The following SERPINB9 variants were observed in gnomAD, a reference collection of about 807,000 sequenced individuals.
SERPINB9 encodes the protein serpin B9.
Under a neutral mutation model 27.2 loss-of-function variants are expected in SERPINB9, and 20 were observed. The ratio of observed to expected loss-of-function variants is 0.74; its 90% CI spans 0.52 to 1.07. The LOEUF is 1.07. SERPINB9 is among the 50% of genes least tolerant of loss of function. SERPINB9 has a pLI of 0.00. For missense variants in SERPINB9, 476 were observed against 460.1 expected, an observed-to-expected ratio of 1.03 and a Z score of -0.32; for synonymous variants, 189 against 180.0, an observed-to-expected ratio of 1.05 and a Z score of -0.40.
At chr6:2,895,317 C>T (rs552455589) in intron 4 of SERPINB9, 74 bp downstream of exon 4, 43 of 919,694 alleles carry the variant, frequency 4.7e-5, no homozygotes, top group Non-Finnish European at 6.3e-5. Flanking sequence ...ATATAAGAGG[C>T]GGGAAGGAGG....
At chr6:2,897,795 A>C (rs1277255036) in intron 2 of SERPINB9, among the ~76,000 whole-genome samples, 2 of 152,232 alleles carry the variant, frequency 1.3e-5, no homozygotes, top group Non-Finnish European at 2.9e-5. Context: ...CCCCAAAGTA[A>C]AGTTATATGT....
At position 2,889,339 on chromosome 6, in the gene SERPINB9, C is replaced by T. The variant is rs1395153150; in HGVS notation, c.*824G>A. On this transcript the variant is annotated 3_prime_UTR_variant, in exon 7 of 7. Coordinates refer to ENST00000380698, the MANE Select transcript of SERPINB9 (RefSeq NM_004155.6). ...GGATGGCTCTGTCCCCTTTGTGTCC[C>T]CAGTGCCTAAAGCAGTGTTTGGTGC... 2 of 152,200 alleles carry T rather than the reference C, an allele frequency of 1.3e-5. No homozygotes were observed. The highest frequency in any genetic ancestry group is 2.1e-4 in the South Asian group (1 of 4,830). The allele number at this position is 152,200 out of a possible 1,614,324, so 9.4% of individuals were successfully genotyped here.
At chr6:2,893,711 T>C (rs951642082) in intron 4 of SERPINB9, among the ~76,000 whole-genome samples, 158 bp from the exon 5 acceptor site, 1 of 151,978 alleles carries the variant, frequency 6.6e-6, no homozygotes, top group African/African-American at 2.4e-5. Flanking sequence ...ATGAGTGGTA[T>C]TCATGATTAC....
intron 2 of SERPINB9, 148 bp downstream of exon 2, chr6:2,900,296 G>GT (rs760698792): frequency 1.1e-4 from 103 of 901,806 alleles, no homozygotes; most frequent in Non-Finnish European, 1.7e-4. Flanking sequence ...TTCTTCCCCA[G>GT]TGGACCCCGC....
Position 2,891,700 on chromosome 6 carries a change from C to G in SERPINB9, c.723+133G>C, listed in dbSNP as rs940385328. On this transcript the variant is annotated intron_variant, in intron 6 of 6. Transcript: ENST00000380698. The surrounding 1 kb of genome is among the most constrained non-coding windows in gnomAD (Gnocchi z 4.0). Reference sequence around the variant, plus strand: ...AGTCAGCCTTGAACAAAAGTTCGATCCCAACGCCAAGTGCCTGCACAGTGT... The same window carrying G: ...AGTCAGCCTTGAACAAAAGTTCGATGCCAACGCCAAGTGCCTGCACAGTGT... 1.8e-5 allele frequency: 18 copies of G among 1,026,520 alleles called. No homozygotes were observed. Among genetic ancestry groups the G allele is most frequent in the Middle Eastern group, 3.3e-4 (1 of 3,050 alleles). The allele number at this position is 1,026,520 out of a possible 1,614,324, so 63.6% of individuals were successfully genotyped here. A position where few individuals can be genotyped will look rare whatever the true frequency, so the allele number is the denominator to read the frequency against.
chr6:2,892,323 TTTTGA>T (rs1356613072), intron 5 of SERPINB9, among the ~76,000 whole-genome samples: 1 of 152,080 alleles, frequency 6.6e-6, no homozygotes, highest in Non-Finnish European at 1.5e-5. Flanking sequence ...TACAAATTTG[TTTTGA>T]TTTAATTAGA....
At chr6:2,901,723 C>T (rs1444508364) in intron 1 of SERPINB9, among the ~76,000 whole-genome samples, 7 of 152,014 alleles carry the variant, frequency 4.6e-5, no homozygotes, top group Non-Finnish European at 8.8e-5. Context: ...ATCTCCCCCT[C>T]CTCCCCCACA....
At chr6:2,892,398 A>C (rs1349751949) in intron 5 of SERPINB9, among the ~76,000 whole-genome samples, 3 of 152,220 alleles carry the variant, frequency 2.0e-5, no homozygotes, top group Admixed American at 6.5e-5. Context: ...AAAAATCATA[A>C]AGTGGGATGA....
At position 2,900,304 on chromosome 6, in the gene SERPINB9, C is replaced by T. The variant is rs1465766122; in HGVS notation, c.168+140G>A. 7.9e-5 allele frequency: 78 copies of T among 982,518 alleles called. No homozygotes were observed. In the South Asian group the frequency reaches 1.0e-3, roughly 13 times the overall value. The allele number at this position is 982,518 out of a possible 1,614,324, so 60.9% of individuals were successfully genotyped here. Reference sequence around the variant, plus strand: ...GCCCCACTTCTTCCCCAGTGGACCCCGCCTCCCTGAAACGGCCAGTGCACA... The same window carrying T: ...GCCCCACTTCTTCCCCAGTGGACCCTGCCTCCCTGAAACGGCCAGTGCACA... On this transcript the variant is annotated intron_variant, in intron 2 of 6. Coordinates refer to ENST00000380698, the MANE Select transcript of SERPINB9 (RefSeq NM_004155.6).
Position 2,891,751 on chromosome 6 carries a change from AG to A in SERPINB9, c.723+81del. 6.8e-7 allele frequency: 1 copy of A among 1,466,264 alleles called. No homozygotes were observed. Among genetic ancestry groups the A allele is most frequent in the South Asian group, 1.3e-5 (1 of 75,606 alleles). The allele number at this position is 1,466,264 out of a possible 1,614,324, so 90.8% of individuals were successfully genotyped here. A position where few individuals can be genotyped will look rare whatever the true frequency, so the allele number is the denominator to read the frequency against. On this transcript the variant is annotated intron_variant, in intron 6 of 6. Transcript: ENST00000380698. This position sits in a 1 kb window ranked among gnomAD's most constrained non-coding sequence, Gnocchi z 4.0. The stretch of plus-strand genomic sequence containing the variant: ...GCGTCTGCCGCATCGCCAACTCAGA[AG>A]GTGAATATGAGAGGTGGAAGTGGCA...
At position 2,888,785 on chromosome 6, in the gene SERPINB9, C is replaced by T. The variant is rs1767678020; in HGVS notation, c.*1378G>A. 6.6e-6 allele frequency: 1 copy of T among 151,712 alleles called. No individual in the cohort carries two copies. The highest frequency in any genetic ancestry group is 2.4e-5 in the African/African-American group (1 of 41,258). 9.4% of individuals were successfully genotyped at this position (151,712 alleles called of 1,614,324 possible). On this transcript the variant is annotated 3_prime_UTR_variant, in exon 7 of 7. Transcript: ENST00000380698. Reference sequence around the variant, plus strand: ...TGGTTATGCAACATTGTTAACAATACTAAGTGGCACTGAACTTCTCACTTT... The same window carrying T: ...TGGTTATGCAACATTGTTAACAATATTAAGTGGCACTGAACTTCTCACTTT...
intron 1 of SERPINB9, among the ~76,000 whole-genome samples, chr6:2,902,168 G>A (rs1019799763): frequency 6.6e-6 from 1 of 152,136 alleles, no homozygotes; most frequent in African/African-American, 2.4e-5. Context: ...CACAAACACT[G>A]TTGGTCCCCC....
rs1437119325 is a variant in SERPINB9 at position 2,893,464 on chromosome 6, T to C, written c.514A>G (p.Asn172Asp). ...GTGTATGTTTCGTCAAACGGTTCAT[T>C]CCACTTTCCTTTGAAGTAGATGGCA... ...VNAIYFKGKW[N>D]EPFDETYTRE... Residue 172 changes from asparagine to aspartate, a missense_variant, in exon 5 of 7, where the codon AAT (asparagine) becomes GAT (aspartate). Asn to Asp is a conservative substitution (Grantham distance 23, BLOSUM62 1). Coordinates refer to ENST00000380698, the MANE Select transcript of SERPINB9 (RefSeq NM_004155.6). 6.2e-7 allele frequency: 1 copy of C among 1,613,556 alleles called. No individual in the cohort carries two copies. The highest frequency in any genetic ancestry group is 2.2e-5 in the East Asian group (1 of 44,840).
rs1767924775 is a variant in SERPINB9, at chr6:2,894,417, C to T, written c.425-864G>A. ...AAATGTAGATGAATAAGGTTCAACCCCAAATGGAGGGTATTTTCAGTCTGT... is the reference window on the plus strand; with the variant it reads ...AAATGTAGATGAATAAGGTTCAACCTCAAATGGAGGGTATTTTCAGTCTGT... On this transcript the variant is annotated intron_variant, in intron 4 of 6. Transcript: ENST00000380698. The surrounding 1 kb of genome is among the most constrained non-coding windows in gnomAD (Gnocchi z 4.7). 6.6e-6 allele frequency among the ~76,000 whole-genome samples: 1 copy of T among 152,140 alleles called. No individual in the cohort carries two copies. The highest frequency in any genetic ancestry group is 1.5e-5 in the Non-Finnish European group (1 of 68,024).
At chr6:2,900,332 C>T (rs1003782578) in intron 2 of SERPINB9, 112 bp downstream of exon 2, 21 of 1,344,820 alleles carry the variant, frequency 1.6e-5, no homozygotes, top group Middle Eastern at 2.7e-4. Context: ...AGTGCACACT[C>T]GGGCCCCAGT....
chr6:2,888,807 C>G lies in SERPINB9; in HGVS notation c.*1356G>C, dbSNP rs1561641088. 6.6e-6 allele frequency: 1 copy of G among 151,618 alleles called. No homozygotes were observed. Among genetic ancestry groups the G allele is most frequent in the East Asian group, 1.9e-4 (1 of 5,158 alleles). 9.4% of individuals were successfully genotyped at this position (151,618 alleles called of 1,614,324 possible). On this transcript the variant is annotated 3_prime_UTR_variant, in exon 7 of 7. Coordinates refer to ENST00000380698, the MANE Select transcript of SERPINB9 (RefSeq NM_004155.6). Reference sequence around the variant, plus strand: ...ATACTAAGTGGCACTGAACTTCTCACTTTAAAATAGTTAATTTTATGTTAT... The same window carrying G: ...ATACTAAGTGGCACTGAACTTCTCAGTTTAAAATAGTTAATTTTATGTTAT...
rs1767716957 is a variant in SERPINB9 at position 2,889,652 on chromosome 6, G to GC, written c.*510dup. The GC allele has an allele frequency of 1.4e-5, 2 of 147,792 alleles. No homozygotes were observed. The highest frequency in any genetic ancestry group is 5.0e-5 in the African/African-American group (2 of 39,710). 9.2% of individuals were successfully genotyped at this position (147,792 alleles called of 1,614,324 possible). A position where few individuals can be genotyped will look rare whatever the true frequency, so the allele number is the denominator to read the frequency against. On this transcript the variant is annotated 3_prime_UTR_variant, in exon 7 of 7. Coordinates refer to ENST00000380698, the MANE Select transcript of SERPINB9 (RefSeq NM_004155.6). ...GGAGCTTGCAGTGAGCCGAGATCGA[G>GC]CCACTGCACTCCAGCCTGGGCGACA...
At position 2,895,502 on chromosome 6, in the gene SERPINB9, T is replaced by C. The variant is rs778783446; in HGVS notation, c.313A>G (p.Lys105Glu). 1 of 1,610,556 alleles carries C rather than the reference T, an allele frequency of 6.2e-7. No homozygotes were observed. The highest frequency in any genetic ancestry group is 1.7e-5 in the Admixed American group (1 of 59,458). Residue 105 changes from lysine to glutamate, a missense_variant, in exon 4 of 7, where the codon AAG becomes GAG. Lys to Glu is a moderately conservative substitution (Grantham distance 56, BLOSUM62 1). Coordinates refer to ENST00000380698, the MANE Select transcript of SERPINB9 (RefSeq NM_004155.6). Reference sequence around the variant, plus strand: ...TGGTAGAATTGAAGACAGGATTCCTTAAACGTCTTTGGAGAGAAAAATGTT... The same window carrying C: ...TGGTAGAATTGAAGACAGGATTCCTCAAACGTCTTTGGAGAGAAAAATGTT... ...EKTCQFLSTF[K>E]ESCLQFYHAE...
intron 3 of SERPINB9, 142 bp from the exon 4 acceptor site, chr6:2,895,650 A>G (rs1229621728): frequency 1.6e-6 from 1 of 643,758 alleles, no homozygotes; most frequent in Admixed American, 3.0e-5. Flanking sequence ...AGATATGTTA[A>G]AATATCAGAG....
Sources: gnomAD v4.1 joint callset for allele counts (sites outside exome capture counted in the v4.1 genomes callset) on GRCh38, gnomAD v4.1.1 for gene constraint, Gnocchi (gnomAD v3.1) non-coding constraint, MANE v1.5 for transcripts, NCBI Gene and HGNC (gene_info 2026-07-23, HGNC 2026-07-21) for gene names.